Variants in PTPRD observed in about 807,000 individuals in gnomAD.
PTPRD encodes protein tyrosine phosphatase receptor type D.
A neutral mutation model predicts 214.5 loss-of-function variants in PTPRD; 34 were observed. That is an observed-to-expected ratio of 0.16 (90% CI 0.12 to 0.21). PTPRD has a LOEUF of 0.21. PTPRD is among the 10% of genes least tolerant of loss of function. The pLI is 1.00. For missense variants in PTPRD, 2,545 were observed against 2,398.7 expected, an observed-to-expected ratio of 1.06 and a Z score of -1.27; for synonymous variants, 1,128 against 845.7, an observed-to-expected ratio of 1.33 and a Z score of -5.79.
intron 22 of PTPRD, among the ~76,000 whole-genome samples, chr9:8,505,326 T>C (rs1356713037): frequency 6.6e-6 from 1 of 151,774 alleles, no homozygotes; most frequent in Non-Finnish European, 1.5e-5. Flanking sequence ...AACAAATCAG[T>C]TAAGAAGAAT....
intron 12 of PTPRD, among the ~76,000 whole-genome samples, chr9:8,688,546 T>C (rs867371942): frequency 1.1e-4 from 16 of 140,036 alleles, no homozygotes; most frequent in Middle Eastern, 4.4e-3. Context: ...GCCTGGGCGA[T>C]AGAGCGAGAC....
At chr9:8,487,267 T>C (rs1326568417) in intron 27 of PTPRD, among the ~76,000 whole-genome samples, 3 of 152,206 alleles carry the variant, frequency 2.0e-5, no homozygotes, top group African/African-American at 7.2e-5. Context: ...TTCCAATGAA[T>C]ACATAATTTA....
intron 10 of PTPRD, among the ~76,000 whole-genome samples, chr9:9,020,045 A>C (rs2154369104): frequency 6.6e-6 from 1 of 152,258 alleles, no homozygotes; most frequent in Middle Eastern, 3.4e-3. Context: ...CAGACATGGG[A>C]GGAGAAGAGA....
rs556335004 is a variant in PTPRD at position 8,797,166 on chromosome 9, G to C, written c.-103-63220C>G. The C allele has an allele frequency of 2.0e-3, 302 of 152,140 alleles. 1 individual carries two copies. The highest frequency in any genetic ancestry group is 6.9e-3 in the African/African-American group (285 of 41,528). The allele number at this position is 152,140 out of a possible 1,614,324, so 9.4% of individuals were successfully genotyped here. ...TCAAGCTTTTCGAATTTGTCTAGCA[G>C]GCTTTCCAATTTTTGCCAGAAAGCC... On this transcript the variant is annotated intron_variant, in intron 11 of 45. Coordinates refer to ENST00000381196, the MANE Select transcript of PTPRD (RefSeq NM_002839.4).
Position 10,423,684 on chromosome 9 carries a change from C to A in PTPRD, c.-599-82667G>T, listed in dbSNP as rs766040514. Among the ~76,000 whole-genome samples, 4 of 151,852 alleles carry A rather than the reference C, an allele frequency of 2.6e-5. No individual in the cohort carries two copies. The East Asian group carries it at 7.8e-4, about 30-fold the overall frequency. Reference sequence around the variant, plus strand: ...TGCTCCTGTTAATGCAGAGACATAGCAATTGGGTAGCATTAAATTATGCCC... The same window carrying A: ...TGCTCCTGTTAATGCAGAGACATAGAAATTGGGTAGCATTAAATTATGCCC... On this transcript the variant is annotated intron_variant, in intron 2 of 45. Transcript: ENST00000381196.
At chr9:9,286,784 C>A (rs1160179849) in intron 9 of PTPRD, among the ~76,000 whole-genome samples, 4 of 147,882 alleles carry the variant, frequency 2.7e-5, no homozygotes, top group Non-Finnish European at 4.5e-5. Context: ...TTTCTTTGAT[C>A]TTTCTGTTGA....
intron 8 of PTPRD, among the ~76,000 whole-genome samples, chr9:9,411,526 C>T (rs888508926): frequency 6.6e-6 from 1 of 152,090 alleles, no homozygotes; most frequent in African/African-American, 2.4e-5. Context: ...TAATACAATG[C>T]CACTTACTAC....
In PTPRD at chr9:8,787,932, T is replaced by C. The variant is rs555851506; in HGVS notation, c.-103-53986A>G. Among the ~76,000 whole-genome samples, 39 of 152,270 alleles carry C rather than the reference T, an allele frequency of 2.6e-4. No individual in the cohort carries two copies. In the South Asian group the frequency reaches 7.9e-3, roughly 31 times the overall value. On this transcript the variant is annotated intron_variant, in intron 11 of 45. Transcript: ENST00000381196. ...TATCACCTTTTTTTAAAACTCATTT[T>C]AACCCTATCTACAAGTGTTATTTAC...
chr9:9,434,564 A>G (rs2084456786), intron 8 of PTPRD, among the ~76,000 whole-genome samples: 1 of 152,142 alleles, frequency 6.6e-6, no homozygotes, highest in African/African-American at 2.4e-5. Context: ...CCAAATAATC[A>G]AAGCAATCCT....
chr9:8,328,348 A>G, intron 44 of PTPRD, among the ~76,000 whole-genome samples: 1 of 152,130 alleles, frequency 6.6e-6, no homozygotes. Context: ...TATTGGCCCC[A>G]CTGTCTTCTG....
intron 2 of PTPRD, among the ~76,000 whole-genome samples, chr9:10,547,057 G>C (rs2130904573): frequency 6.6e-6 from 1 of 152,076 alleles, no homozygotes; most frequent in Admixed American, 6.6e-5. Context: ...TAGTCCTACA[G>C]GTCATATGAC....
chr9:9,924,976 T>C (rs947425342), intron 5 of PTPRD, among the ~76,000 whole-genome samples: 4 of 152,136 alleles, frequency 2.6e-5, no homozygotes, highest in Non-Finnish European at 5.9e-5. Context: ...TTTCCACAAA[T>C]AAAATATGTT....
At chr9:9,070,978 C>T (rs558356969) in intron 10 of PTPRD, among the ~76,000 whole-genome samples, 12 of 152,174 alleles carry the variant, frequency 7.9e-5, no homozygotes, top group African/African-American at 2.9e-4. Context: ...TGCAGTGCCT[C>T]CCCCAGCTCA....
At chr9:8,318,460 C>T (rs1369923855) in intron 45 of PTPRD, among the ~76,000 whole-genome samples, 2 of 149,970 alleles carry the variant, frequency 1.3e-5, no homozygotes, top group African/African-American at 5.1e-5. Context: ...TATGTTTGGA[C>T]AGTAGAGCTT....
intron 37 of PTPRD, among the ~76,000 whole-genome samples, chr9:8,380,665 A>G (rs943572661): frequency 9.9e-5 from 15 of 152,188 alleles, no homozygotes; most frequent in African/African-American, 3.4e-4. Context: ...TGATGGAATA[A>G]TAAAACATAT....
chr9:8,452,839 G>GA (rs1219894443), intron 33 of PTPRD, among the ~76,000 whole-genome samples: 5 of 151,908 alleles, frequency 3.3e-5, no homozygotes, highest in Non-Finnish European at 1.5e-5. Context: ...CTGGGGGGAA[G>GA]AAAAAAACAA....
At chr9:9,657,606 T>G (rs558100906) in intron 7 of PTPRD, among the ~76,000 whole-genome samples, 5 of 152,202 alleles carry the variant, frequency 3.3e-5, no homozygotes, top group African/African-American at 1.2e-4. Flanking sequence ...ATAATAATAG[T>G]GAAAAATAAA....
At position 10,031,637 on chromosome 9, in the gene PTPRD, T is replaced by TACACAC. The variant is rs1255630031; in HGVS notation, c.-472+2080_-472+2081insGTGTGT. ...ACTTAAAAAACTCCATATATATATA[T>TACACAC]ATATATATATACACACACACACACA... On this transcript the variant is annotated intron_variant, in intron 4 of 45. Coordinates refer to ENST00000381196, the MANE Select transcript of PTPRD (RefSeq NM_002839.4). Among the ~76,000 whole-genome samples the TACACAC allele has an allele frequency of 1.2e-3, 92 of 77,386 alleles. 2 individuals carry two copies. The highest frequency in any genetic ancestry group is 7.9e-3 in the African/African-American group (80 of 10,136). 50.8% of individuals were successfully genotyped at this position (77,386 alleles called of 152,430 possible).
At chr9:9,499,869 C>T (rs2096346365) in intron 8 of PTPRD, among the ~76,000 whole-genome samples, 1 of 152,002 alleles carries the variant, frequency 6.6e-6, no homozygotes, top group African/African-American at 2.4e-5. Flanking sequence ...AGTTTGTAAA[C>T]ACTAGAGCCA....
Sources: gnomAD v4.1 joint callset for allele counts (sites outside exome capture counted in the v4.1 genomes callset) on GRCh38, gnomAD v4.1.1 for gene constraint, MANE v1.5 for transcripts, NCBI Gene and HGNC (gene_info 2026-07-23, HGNC 2026-07-21) for gene names.